The following NFIA variants were observed in gnomAD, a reference collection of about 807,000 sequenced individuals.
NFIA encodes the protein nuclear factor I A.
In NFIA, 8 loss-of-function variants were observed where a neutral mutation model predicts 62.8. The ratio of observed to expected loss-of-function variants is 0.13; its 90% CI spans 0.07 to 0.23. NFIA has a LOEUF of 0.23. NFIA is among the 10% of genes least tolerant of loss of function. NFIA has a pLI of 1.00. For synonymous variants in NFIA, 235 were observed against 238.1 expected (o/e 0.99, Z 0.12); for missense variants, 410 against 642.1 (o/e 0.64, Z 3.91).
chr1:61,135,988 A>G (rs1243107487), intron 2 of NFIA, among the ~76,000 whole-genome samples: 1 of 152,234 alleles, frequency 6.6e-6, no homozygotes, highest in African/African-American at 2.4e-5. Context: ...ACGCTCGCAT[A>G]CATGTAGCTT....
At position 61,458,063 on chromosome 1, in the gene NFIA, C is replaced by T. The variant is rs902449224; in HGVS notation, c.*2743C>T. ...TGTGTCTGATAAGTGGTTGAATAGT[C>T]GTTTGGCGCTGTTGTATGGTGTGAT... On this transcript the variant is annotated 3_prime_UTR_variant, in exon 11 of 11. Coordinates refer to ENST00000403491, the MANE Select transcript of NFIA (RefSeq NM_001134673.4). The T allele has an allele frequency of 3.3e-5, 5 of 151,730 alleles. No homozygotes were observed. The highest frequency in any genetic ancestry group is 2.9e-5 in the Non-Finnish European group (2 of 67,976). The allele number at this position is 151,730 out of a possible 1,614,324, so 9.4% of individuals were successfully genotyped here.
intron 4 of NFIA, among the ~76,000 whole-genome samples, chr1:61,348,467 G>A (rs77411727): frequency 0.047 from 7,219 of 152,234 alleles, 218 homozygotes; most frequent in Admixed American, 0.095. Flanking sequence ...CTTTCGGGAC[G>A]TGCCAGGCCA....
At chr1:61,234,096 G>A (rs973988797) in intron 2 of NFIA, among the ~76,000 whole-genome samples, 2 of 151,766 alleles carry the variant, frequency 1.3e-5, no homozygotes, top group Non-Finnish European at 2.9e-5. Context: ...GGCTGGGCGC[G>A]GTGGCTCACA....
At chr1:61,455,233 A>G in intron 10 of NFIA, 70 bp from the exon 11 acceptor site, 2 of 1,575,150 alleles carry the variant, frequency 1.3e-6, no homozygotes, top group Non-Finnish European at 1.7e-6. Flanking sequence ...TCGTGGTTGA[A>G]AAGGCAACTT....
intron 7 of NFIA, among the ~76,000 whole-genome samples, chr1:61,402,065 T>A (rs1168290801): frequency 2.5e-5 from 3 of 119,042 alleles, no homozygotes; most frequent in African/African-American, 9.9e-5. Context: ...TGAGACGGAG[T>A]CTCCCTCTGT....
chr1:61,209,503 T>G (rs1653106453), intron 2 of NFIA, among the ~76,000 whole-genome samples: 1 of 152,142 alleles, frequency 6.6e-6, no homozygotes, highest in Non-Finnish European at 1.5e-5. Context: ...ATCTTTATTT[T>G]TAAAGTTTTT....
chr1:61,149,760 G>T (rs1301257739), intron 2 of NFIA, among the ~76,000 whole-genome samples: 6 of 152,084 alleles, frequency 3.9e-5, no homozygotes. Flanking sequence ...TGGAGTGGAG[G>T]GGACAATATT....
chr1:61,421,454 C>T (rs1254010862), intron 9 of NFIA, among the ~76,000 whole-genome samples: 1 of 152,202 alleles, frequency 6.6e-6, no homozygotes, highest in Admixed American at 6.5e-5. Context: ...ATGTTTGCTA[C>T]TTCCGTATAT....
intron 10 of NFIA, among the ~76,000 whole-genome samples, chr1:61,430,637 C>G (rs1381802244): frequency 8.0e-6 from 1 of 125,742 alleles, no homozygotes; most frequent in African/African-American, 3.1e-5. Context: ...ATTTTTCCTC[C>G]TCTTTCCCTT....
chr1:61,091,504 T>C (rs927778817), intron 2 of NFIA, among the ~76,000 whole-genome samples: 3 of 152,204 alleles, frequency 2.0e-5, no homozygotes, highest in African/African-American at 7.2e-5. Context: ...ATTGGAGTGA[T>C]TTCATAAGCC....
intron 2 of NFIA, among the ~76,000 whole-genome samples, chr1:61,243,874 A>G (rs4244151): frequency 0.072 from 10,963 of 152,282 alleles, 492 homozygotes; most frequent in East Asian, 0.16. Context: ...TTGCTGTTGT[A>G]GACACAGTCC....
chr1:61,142,766 A>G (rs1647628701), intron 2 of NFIA, among the ~76,000 whole-genome samples: 1 of 152,150 alleles, frequency 6.6e-6, no homozygotes, highest in Admixed American at 6.5e-5. Flanking sequence ...TGTTGCCTTT[A>G]GTTTTTCCGG....
intron 7 of NFIA, among the ~76,000 whole-genome samples, chr1:61,391,776 C>T (rs1253125505): frequency 6.6e-6 from 1 of 152,182 alleles, no homozygotes; most frequent in Non-Finnish European, 1.5e-5. Context: ...TCATCTTTCT[C>T]CTATCACATC....
chr1:61,098,680 C>A (rs1005471670), intron 2 of NFIA, among the ~76,000 whole-genome samples: 1 of 152,160 alleles, frequency 6.6e-6, no homozygotes, highest in Non-Finnish European at 1.5e-5. Flanking sequence ...TCTTAACATA[C>A]TTTTAGAAGT....
At chr1:61,134,630 A>G (rs1647148767) in intron 2 of NFIA, among the ~76,000 whole-genome samples, 1 of 152,184 alleles carries the variant, frequency 6.6e-6, no homozygotes, top group Non-Finnish European at 1.5e-5. Context: ...AGTTGTTATT[A>G]TGGTGGATTG....
At chr1:61,209,227 A>G (rs1042468895) in intron 2 of NFIA, among the ~76,000 whole-genome samples, 1 of 152,090 alleles carries the variant, frequency 6.6e-6, no homozygotes, top group Non-Finnish European at 1.5e-5. Context: ...TCCATTATCT[A>G]TCAGATTTAT....
At chr1:61,324,554 C>T (rs1291794192) in intron 3 of NFIA, among the ~76,000 whole-genome samples, 3 of 152,166 alleles carry the variant, frequency 2.0e-5, no homozygotes, top group Non-Finnish European at 4.4e-5. Context: ...TTCTCAGATG[C>T]AAAATTAACT....
intron 8 of NFIA, 146 bp from the exon 9 acceptor site, chr1:61,406,416 C>CT: frequency 1.4e-6 from 1 of 723,930 alleles, no homozygotes; most frequent in Non-Finnish European, 2.3e-6. Context: ...TCCGTATGGG[C>CT]TTATGGAAGA....
intron 2 of NFIA, among the ~76,000 whole-genome samples, chr1:61,232,984 G>A (rs1433130634): frequency 6.6e-6 from 1 of 152,032 alleles, no homozygotes; most frequent in Admixed American, 6.6e-5. Flanking sequence ...TCTCAGAATT[G>A]TAATTGAGTG....
Sources: allele counts gnomAD v4.1 joint callset (sites outside exome capture counted in the v4.1 genomes callset), GRCh38; gene constraint gnomAD v4.1.1; transcripts MANE v1.5; gene names NCBI Gene and HGNC (gene_info 2026-07-23, HGNC 2026-07-21).